Variants in PLCB4 observed in about 807,000 individuals in gnomAD.
PLCB4 encodes 1-phosphatidylinositol 4,5-bisphosphate phosphodiesterase beta-4.
Under a neutral mutation model 178.8 loss-of-function variants are expected in PLCB4, and 77 were observed. The observed-to-expected ratio is 0.43, with a 90% CI of 0.36 to 0.52. The LOEUF (loss-of-function observed/expected upper bound fraction) is 0.52, where lower values mean the gene tolerates loss of function less well. Ranked by LOEUF, PLCB4 falls within the 20% of genes least tolerant of loss-of-function variation. The pLI is 0.00. For missense variants in PLCB4, 1,024 were observed against 1,453.4 expected (o/e 0.70, Z 4.80); for synonymous variants, 496 against 490.8 (o/e 1.01, Z -0.14).
chr20:9,464,629 T>C (rs1373338929), intron 35 of PLCB4, among the ~76,000 whole-genome samples: 2 of 152,020 alleles, frequency 1.3e-5, no homozygotes, highest in African/African-American at 4.8e-5. Context: ...AAATACAAAC[T>C]ACCATCAGAG....
intron 2 of PLCB4, among the ~76,000 whole-genome samples, chr20:9,158,811 G>T (rs893957692): frequency 6.6e-6 from 1 of 152,072 alleles, no homozygotes; most frequent in Non-Finnish European, 1.5e-5. Flanking sequence ...TGCTCTATAG[G>T]GTTGAGACTA....
chr20:9,273,139 A>G (rs1041711792), intron 3 of PLCB4, among the ~76,000 whole-genome samples: 1 of 152,118 alleles, frequency 6.6e-6, no homozygotes, highest in African/African-American at 2.4e-5. Flanking sequence ...TGCAGGAAGG[A>G]TAATCATAGA....
rs138592969 is a variant in PLCB4, at chr20:9,474,214, C to CAA, written c.3495+863_3495+864dup. ...CCTGAGCGACAGAGTGACTCCATCT[C>CAA]AAAAAAAAAAAAAAAGGAGTTACCC... On this transcript the variant is annotated intron_variant, in intron 38 of 39. Transcript: ENST00000378473. Among the ~76,000 whole-genome samples, 1,190 of 120,624 alleles carry CAA rather than the reference C, an allele frequency of 9.9e-3. 12 individuals are homozygous for CAA. Among genetic ancestry groups the CAA allele is most frequent in the Non-Finnish European group, 0.015 (874 of 56,696 alleles). 79.1% of individuals were successfully genotyped at this position (120,624 alleles called of 152,430 possible). A position where few individuals can be genotyped will look rare whatever the true frequency, so the allele number is the denominator to read the frequency against.
At chr20:9,072,600 G>T (rs989203574) in intron 1 of PLCB4, among the ~76,000 whole-genome samples, 7 of 151,860 alleles carry the variant, frequency 4.6e-5, no homozygotes, top group African/African-American at 1.7e-4. Context: ...TATCACCCTG[G>T]AATAACTTTT....
intron 2 of PLCB4, among the ~76,000 whole-genome samples, chr20:9,125,294 A>C (rs1017427984): frequency 1.3e-5 from 2 of 152,218 alleles, no homozygotes; most frequent in Admixed American, 6.6e-5. Flanking sequence ...CTAAAAACTT[A>C]TTTTTAATGA....
In PLCB4 at chr20:9,405,354, A is replaced by C; in HGVS notation, c.1647+6A>C. 2 of 1,506,906 alleles carry C rather than the reference A, an allele frequency of 1.3e-6. No individual in the cohort carries two copies. The highest frequency in any genetic ancestry group is 1.8e-6 in the Non-Finnish European group (2 of 1,102,056). 93.3% of individuals were successfully genotyped at this position (1,506,906 alleles called of 1,614,324 possible). On this transcript the variant is annotated splice_donor_region_variant and intron_variant, in intron 21 of 39. Coordinates refer to ENST00000378473, the MANE Select transcript of PLCB4 (RefSeq NM_001377142.1). ...AACATGAAAACAACAAAAAGGTAAC[A>C]AAATAATTCCCTTGCACATTTTAAA...
intron 3 of PLCB4, among the ~76,000 whole-genome samples, chr20:9,283,417 G>T (rs941430857): frequency 2.0e-5 from 3 of 151,888 alleles, no homozygotes; most frequent in Non-Finnish European, 4.4e-5. Context: ...GGTGTCTGAA[G>T]GCTGATCTTC....
At chr20:9,069,312 A>G (rs2089443814) in intron 1 of PLCB4, 106 bp downstream of exon 1, 1 of 152,098 alleles carries the variant, frequency 6.6e-6, no homozygotes, top group Admixed American at 6.6e-5. Flanking sequence ...GCGCGCGCGC[A>G]CCCGGATGCC....
chr20:9,412,526 G>A (rs1035824671), intron 25 of PLCB4, among the ~76,000 whole-genome samples: 2 of 152,142 alleles, frequency 1.3e-5, no homozygotes, highest in Non-Finnish European at 2.9e-5. Context: ...AACGAAACAG[G>A]GAACTGAAAA....
chr20:9,346,277 T>G (rs997799506), intron 7 of PLCB4, among the ~76,000 whole-genome samples: 2 of 152,230 alleles, frequency 1.3e-5, no homozygotes, highest in African/African-American at 2.4e-5. Context: ...GTGATTCTTA[T>G]GCACACTCAA....
At chr20:9,130,833 T>C (rs2092253699) in intron 2 of PLCB4, among the ~76,000 whole-genome samples, 1 of 152,226 alleles carries the variant, frequency 6.6e-6, no homozygotes, top group Non-Finnish European at 1.5e-5. Flanking sequence ...TCATTGTTTC[T>C]CTGTGCCAAC....
chr20:9,357,774 C>A (rs1039004886), intron 7 of PLCB4, among the ~76,000 whole-genome samples: 1 of 152,146 alleles, frequency 6.6e-6, no homozygotes. Flanking sequence ...ATTCTCCAGC[C>A]CCCAGAACTG....
chr20:9,153,445 G>A (rs2092725752), intron 2 of PLCB4, among the ~76,000 whole-genome samples: 1 of 152,034 alleles, frequency 6.6e-6, no homozygotes, highest in Non-Finnish European at 1.5e-5. Flanking sequence ...AGATCTGATG[G>A]GTTTATCAGG....
chr20:9,323,495 T>C (rs1404573843), intron 4 of PLCB4, among the ~76,000 whole-genome samples: 1 of 152,226 alleles, frequency 6.6e-6, no homozygotes, highest in East Asian at 1.9e-4. Flanking sequence ...CCTACTATGA[T>C]CCAGCAATTC....
At chr20:9,380,186 T>TAAA in intron 13 of PLCB4, 24 bp downstream of exon 13, 9 of 953,226 alleles carry the variant, frequency 9.4e-6, no homozygotes, top group South Asian at 5.4e-5. Context: ...AAAAAGGACT[T>TAAA]AAAAAAAAAA....
chr20:9,196,729 G>A (rs994754168), intron 2 of PLCB4, among the ~76,000 whole-genome samples: 4 of 152,162 alleles, frequency 2.6e-5, no homozygotes, highest in African/African-American at 9.7e-5. Flanking sequence ...GCTTTCATGA[G>A]GGTAATAAGG....
At chr20:9,259,189 T>C (rs988788044) in intron 3 of PLCB4, among the ~76,000 whole-genome samples, 2 of 152,198 alleles carry the variant, frequency 1.3e-5, no homozygotes, top group Non-Finnish European at 2.9e-5. Context: ...GAGGGCTCCT[T>C]CTTCTCAGTT....
intron 17 of PLCB4, 25 bp from the exon 18 acceptor site, chr20:9,393,563 T>C (rs1347275201): frequency 1.3e-6 from 2 of 1,491,416 alleles, no homozygotes; most frequent in East Asian, 4.5e-5. Context: ...CCTTCCTTAA[T>C]TCAGCTCTTT....
intron 2 of PLCB4, among the ~76,000 whole-genome samples, chr20:9,121,612 A>G (rs866523777): frequency 1.3e-5 from 2 of 152,208 alleles, no homozygotes; most frequent in African/African-American, 4.8e-5. Flanking sequence ...GAATATTCAG[A>G]AATCCTTTAG....
Sources: allele counts gnomAD v4.1 joint callset (sites outside exome capture counted in the v4.1 genomes callset), GRCh38; gene constraint gnomAD v4.1.1; transcripts MANE v1.5; gene names NCBI Gene and HGNC (gene_info 2026-07-23, HGNC 2026-07-21).